PDCD2L: variants seen among roughly 807,000 people sequenced by gnomAD.
The protein encoded by PDCD2L is uS5 assembly chaperone PDCD2L.
In PDCD2L, 44 loss-of-function variants were observed where a neutral mutation model predicts 40.4. The observed-to-expected ratio is 1.09, with a 90% confidence interval of 0.86 to 1.40. PDCD2L has a LOEUF of 1.40. Among genes scored for constraint, PDCD2L ranks in the 40% most tolerant of loss-of-function variants. The probability of loss-of-function intolerance (pLI) is 0.00; values close to 1 mark genes in which losing one functional copy is unlikely to be tolerated. For missense variants in PDCD2L, 470 were observed against 453.7 expected (o/e 1.04, Z -0.33); for synonymous variants, 194 against 174.6 (o/e 1.11, Z -0.88).
Position 34,409,310 on chromosome 19 carries a change from C to G in PDCD2L, c.486C>G (p.Leu162=). 1 of 1,613,992 alleles carries G rather than the reference C, an allele frequency of 6.2e-7. No homozygotes were observed. Residue 162 remains leucine (L), a synonymous_variant, in exon 4 of 7, where the codon CTC becomes CTG. Transcript: ENST00000246535. ...SAKDVDWTAR[L]QDLRLQDAVL... Reference sequence around the variant, plus strand: ...AAGACGTAGACTGGACTGCTCGGCTCCAAGACCTCCGCCTGCAGGATGCTG... The same window carrying G: ...AAGACGTAGACTGGACTGCTCGGCTGCAAGACCTCCGCCTGCAGGATGCTG...
Position 34,409,418 on chromosome 19 carries a change from C to T in PDCD2L, c.594C>T (p.Tyr198=), listed in dbSNP as rs1325101357. The T allele has an allele frequency of 6.2e-7, 1 of 1,614,196 alleles. No homozygotes were observed. Among genetic ancestry groups the T allele is most frequent in the Non-Finnish European group, 8.5e-7 (1 of 1,180,034 alleles). ...TCTGTGTTGCAGATGAGGATGATTA[C>T]AGGGACTTTGTCAACCTGGATCATG... The part of the protein sequence containing the change: ...YYICVADEDD[Y]RDFVNLDHAH... Residue 198 remains tyrosine (Y), a synonymous_variant, in exon 4 of 7, where the codon TAC becomes TAT. Transcript: ENST00000246535.
intron 5 of PDCD2L, among the ~76,000 whole-genome samples, chr19:34,415,347 C>G (rs2075122379): frequency 1.3e-5 from 2 of 152,096 alleles, no homozygotes; most frequent in African/African-American, 4.8e-5. Context: ...CTCCTGACTT[C>G]AAATGATCTG....
intron 6 of PDCD2L, among the ~76,000 whole-genome samples, chr19:34,423,795 C>T (rs1170904736): frequency 6.6e-6 from 1 of 152,116 alleles, no homozygotes; most frequent in Non-Finnish European, 1.5e-5. Flanking sequence ...TGGCCAGTAT[C>T]ATAATTATCA....
chr19:34,426,063 T>TC lies in PDCD2L; in HGVS notation c.1023dup (p.Met342HisfsTer13). 6.2e-7 allele frequency: 1 copy of TC among 1,608,032 alleles called. No individual in the cohort carries two copies. The highest frequency in any genetic ancestry group is 8.5e-7 in the Non-Finnish European group (1 of 1,174,468). Reference sequence around the variant, plus strand: ...GTTGCTGGCCCCCAAATCATCAGACTCCCATGGAAGAATTTTGTATTATAC... The same window carrying TC: ...GTTGCTGGCCCCCAAATCATCAGACTCCCCATGGAAGAATTTTGTATTATAC... On this transcript the variant is annotated frameshift_variant, in exon 7 of 7. Transcript: ENST00000246535. LOFTEE classifies it high-confidence loss of function.
chr19:34,420,261 G>A (rs1387332476), intron 5 of PDCD2L, among the ~76,000 whole-genome samples: 1 of 150,952 alleles, frequency 6.6e-6, no homozygotes, highest in Non-Finnish European at 1.5e-5. Context: ...AAAGTGCTGA[G>A]ATTACAGGCC....
intron 5 of PDCD2L, among the ~76,000 whole-genome samples, chr19:34,414,880 A>T (rs1270082118): frequency 6.6e-6 from 1 of 151,896 alleles, no homozygotes; most frequent in Non-Finnish European, 1.5e-5. Flanking sequence ...ATCATTGCTC[A>T]CTGTAACAAC....
chr19:34,415,012 G>A (rs2075121046), intron 5 of PDCD2L, among the ~76,000 whole-genome samples: 1 of 152,052 alleles, frequency 6.6e-6, no homozygotes, highest in South Asian at 2.1e-4. Flanking sequence ...TGCCCAGTCT[G>A]CTCTCAAACT....
At chr19:34,422,719 T>TC (rs1200804339) in intron 6 of PDCD2L, among the ~76,000 whole-genome samples, 1 of 151,354 alleles carries the variant, frequency 6.6e-6, no homozygotes, top group Non-Finnish European at 1.5e-5. Flanking sequence ...TTTTTTTTTT[T>TC]CCTTCTTTTT....
intron 5 of PDCD2L, 97 bp downstream of exon 5, chr19:34,413,944 T>G: frequency 1.3e-6 from 1 of 746,752 alleles, no homozygotes; most frequent in Non-Finnish European, 2.2e-6. Flanking sequence ...AAGCAAAACC[T>G]ACAGTATTCC....
chr19:34,404,506 G>T lies in PDCD2L; in HGVS notation c.76G>T (p.Ala26Ser). The part of the protein sequence containing the change: ...PVHGSPTGPG[A>S]WTASKLGGIP... ...GCACGGCAGCCCCACAGGGCCGGGT[G>T]CCTGGACTGCTAGCAAGCTGGGCGG... Residue 26 changes from alanine (A) to serine (S), a missense_variant, in exon 1 of 7, where the codon GCC becomes TCC. Transcript: ENST00000246535. 1 of 1,542,836 alleles carries T rather than the reference G, an allele frequency of 6.5e-7. No homozygotes were observed. The highest frequency in any genetic ancestry group is 8.7e-7 in the Non-Finnish European group (1 of 1,147,194).
Position 34,404,747 on chromosome 19 carries a change from C to G in PDCD2L, c.207C>G (p.Ser69=), listed in dbSNP as rs747890044. The change falls in exon 2 of 7, where the codon TCC becomes TCG. Residue 69 remains serine (S), a synonymous_variant. Coordinates refer to ENST00000246535, the MANE Select transcript of PDCD2L (RefSeq NM_032346.2). ...AGGTGTATTGCCCGCTGGAAGGCTC[C>G]CCGTTTCACCGTCTGCTGCACGTGT... ...VVQVYCPLEG[S]PFHRLLHVFA... 9 of 1,611,916 alleles carry G rather than the reference C, an allele frequency of 5.6e-6. No homozygotes were observed. Among genetic ancestry groups the G allele is most frequent in the South Asian group, 1.1e-5 (1 of 90,982 alleles).
At chr19:34,425,301 CTTTTTTT>C (rs35392752) in intron 6 of PDCD2L, among the ~76,000 whole-genome samples, 3 of 132,162 alleles carry the variant, frequency 2.3e-5, no homozygotes, top group Non-Finnish European at 4.9e-5. Flanking sequence ...TTTCTCTCTT[CTTTTTTT>C]TTTTTTTTTT....
At chr19:34,421,808 G>C in intron 6 of PDCD2L, 141 bp downstream of exon 6, 1 of 1,135,956 alleles carries the variant, frequency 8.8e-7, no homozygotes, top group South Asian at 1.7e-5. Context: ...AAGAAATTTA[G>C]GCCAGGTGTG....
intron 1 of PDCD2L, 55 bp from the exon 2 acceptor site, chr19:34,404,594 A>G: frequency 6.3e-7 from 1 of 1,589,990 alleles, no homozygotes; most frequent in South Asian, 1.1e-5. Flanking sequence ...GTGCGGAGGG[A>G]GTGGGCGAGG....
rs2075062872 is a variant in PDCD2L at position 34,404,555 on chromosome 19, G to T, written c.108+17G>T. On this transcript the variant is annotated intron_variant, in intron 1 of 6. Coordinates refer to ENST00000246535, the MANE Select transcript of PDCD2L (RefSeq NM_032346.2). ...GGCATTCCGGTGAGGGCGGGTGCCG[G>T]AGCTGGGGTCGATGGGTGCTGCTGA... 6.4e-7 allele frequency: 1 copy of T among 1,556,926 alleles called. No homozygotes were observed. The highest frequency in any genetic ancestry group is 1.9e-5 in the Admixed American group (1 of 52,976).
intron 6 of PDCD2L, chr19:34,421,959 G>A (rs560410139): frequency 1.7e-4 from 34 of 195,688 alleles, no homozygotes; most frequent in Non-Finnish European, 1.6e-4. Context: ...GTGGTGGCAC[G>A]TGCCTGTAGT....
chr19:34,420,356 G>T (rs2075144945), intron 5 of PDCD2L, among the ~76,000 whole-genome samples: 1 of 150,552 alleles, frequency 6.6e-6, no homozygotes, highest in South Asian at 2.1e-4. Flanking sequence ...GTATTTTAAA[G>T]TTTTTGTCTG....
At chr19:34,404,596 T>C in intron 1 of PDCD2L, 53 bp from the exon 2 acceptor site, 2 of 1,589,924 alleles carry the variant, frequency 1.3e-6, no homozygotes, top group South Asian at 2.2e-5. Context: ...GCGGAGGGAG[T>C]GGGCGAGGTC....
At chr19:34,420,767 G>A (rs2075146924) in intron 5 of PDCD2L, among the ~76,000 whole-genome samples, 1 of 148,678 alleles carries the variant, frequency 6.7e-6, no homozygotes. Context: ...ACTCCAGCCT[G>A]GGCAACAGAA....
Sources: allele counts gnomAD v4.1 joint callset (sites outside exome capture counted in the v4.1 genomes callset), GRCh38; gene constraint gnomAD v4.1.1; transcripts MANE v1.5; gene names NCBI Gene and HGNC (gene_info 2026-07-23, HGNC 2026-07-21).